LMF1: variants seen among roughly 807,000 people sequenced by gnomAD.
LMF1 encodes the protein lipase maturation factor 1.
A neutral mutation model predicts 60.6 loss-of-function variants in LMF1; 68 were observed. That is an observed-to-expected ratio of 1.12 (90% CI 0.92 to 1.37). LMF1 has a LOEUF of 1.37. LMF1 is among the 40% of genes most tolerant of loss of function. LMF1 has a pLI of 0.00. For synonymous variants in LMF1, 418 were observed against 324.7 expected, an observed-to-expected ratio of 1.29 and a Z score of -3.09; for missense variants, 948 against 767.2, an observed-to-expected ratio of 1.24 and a Z score of -2.78.
intron 3 of LMF1, among the ~76,000 whole-genome samples, chr16:923,338 G>A (rs926840493): frequency 5.9e-5 from 9 of 152,118 alleles, no homozygotes; most frequent in African/African-American, 1.2e-4. Flanking sequence ...TCCCCATTGC[G>A]TGGCTTCCTG....
intron 1 of LMF1, chr16:976,221 T>C (rs2151505253): frequency 4.5e-6 from 2 of 446,630 alleles, no homozygotes; most frequent in Non-Finnish European, 4.5e-6. Flanking sequence ...GCCCAGGGCC[T>C]CGCATCCTAC....
intron 10 of LMF1, among the ~76,000 whole-genome samples, chr16:864,766 A>G (rs1177114512): frequency 1.3e-5 from 2 of 151,104 alleles, no homozygotes; most frequent in Non-Finnish European, 2.9e-5. Context: ...CTGGGATTAC[A>G]GGCATGCACC....
chr16:855,540 C>T (rs55776028), intron 10 of LMF1: 6,995 of 366,700 alleles, frequency 0.019, 261 homozygotes, highest in African/African-American at 0.097. Context: ...TCGGCTGCCC[C>T]GGAGGAGGAG....
chr16:870,105 A>G, intron 8 of LMF1, 39 bp from the exon 9 acceptor site: 3 of 1,569,070 alleles, frequency 1.9e-6, no homozygotes, highest in Non-Finnish European at 2.6e-6. Context: ...CACGTCACAC[A>G]CCGGCTGGGC....
At chr16:974,256 T>C (rs1000709519), upstream of LMF1, among the ~76,000 whole-genome samples, 1 of 152,226 alleles carries the variant, frequency 6.6e-6, no homozygotes, top group Non-Finnish European at 1.5e-5. Context: ...CAGAGTGAGC[T>C]GCAGCGGCCG....
intron 6 of LMF1, among the ~76,000 whole-genome samples, chr16:875,875 C>A (rs1182967453): frequency 6.6e-6 from 1 of 152,186 alleles, no homozygotes; most frequent in South Asian, 2.1e-4. Flanking sequence ...GTCTCCAGCC[C>A]GGCCCTCCTC....
rs2069766578 is a variant in LMF1 at position 870,874 on chromosome 16, C to T, written c.1087G>A (p.Val363Met). ...ARPEPRFGSV[V>M]RRAANVSLGV... The stretch of plus-strand genomic sequence containing the variant: ...AGCGAGACGTTGGCTGCACGCCGCA[C>T]CACGGAGCCTGGCAGGGGAGTGACA... The change falls in exon 8 of 11, where the codon GTG (valine) becomes ATG (methionine). Residue 363 changes from valine (V) to methionine (M), a missense_variant. Transcript: ENST00000262301. 1.9e-6 allele frequency: 3 copies of T among 1,607,570 alleles called. No individual in the cohort carries two copies. Among genetic ancestry groups the T allele is most frequent in the Admixed American group, 1.7e-5 (1 of 59,798 alleles).
At chr16:981,301 TGTGAGAGAGAGA>T (rs1455771465), upstream of LMF1, 81 of 330,690 alleles carry the variant, frequency 2.4e-4, no homozygotes, top group Middle Eastern at 1.5e-3. Context: ...TGTGTGTGTG[TGTGAGAGAGAGA>T]GAGAGAGAGA....
chr16:968,016 A>G (rs998654194), intron 1 of LMF1, among the ~76,000 whole-genome samples: 3 of 151,850 alleles, frequency 2.0e-5, no homozygotes, highest in African/African-American at 4.8e-5. Flanking sequence ...CCGCTAACAC[A>G]CTCCGGCTCC....
intron 1 of LMF1, among the ~76,000 whole-genome samples, chr16:964,620 A>C (rs1157063997): frequency 6.6e-6 from 1 of 152,250 alleles, no homozygotes; most frequent in Non-Finnish European, 1.5e-5. Context: ...CTCATTTCCC[A>C]TGAGCTCTTA....
intron 4 of LMF1, 132 bp from the exon 5 acceptor site, chr16:893,204 G>C: frequency 1.3e-6 from 1 of 773,768 alleles, no homozygotes; most frequent in Non-Finnish European, 2.2e-6. Context: ...CTGTGAGGGA[G>C]GGGACCTTAC....
chr16:975,954 G>C, upstream of LMF1: 1 of 348,028 alleles, frequency 2.9e-6, no homozygotes, highest in Non-Finnish European at 5.4e-6. Flanking sequence ...GGTGTTGGGA[G>C]GTTTCAAATG....
chr16:866,414 G>C (rs2069611900), intron 10 of LMF1, among the ~76,000 whole-genome samples: 1 of 152,126 alleles, frequency 6.6e-6, no homozygotes, highest in Non-Finnish European at 1.5e-5. Flanking sequence ...AGTCATTGCT[G>C]GCTGGGTGGT....
At chr16:854,939 G>T in intron 10 of LMF1, 2 of 587,544 alleles carry the variant, frequency 3.4e-6, no homozygotes, top group South Asian at 4.0e-5. Context: ...GGGCGGACGG[G>T]GGGCAGCTCC....
rs1567312799 is a variant in LMF1 at position 954,059 on chromosome 16, A to ACC, written c.503+297_503+298insGG. ...CAGCCTCCTACACGTCCACACAGAC[A>ACC]CAGACCCACTGCTTCTGCCTCCCTT... On this transcript the variant is annotated intron_variant, in intron 2 of 10. Transcript: ENST00000262301. Among the ~76,000 whole-genome samples the ACC allele has an allele frequency of 1.2e-3, 162 of 140,818 alleles. 14 individuals carry two copies. The highest frequency in any genetic ancestry group is 3.5e-3 in the Middle Eastern group (1 of 286). The allele number at this position is 140,818 out of a possible 152,430, so 92.4% of individuals were successfully genotyped here.
chr16:900,654 C>A (rs114439408), intron 4 of LMF1: 23 of 151,888 alleles, frequency 1.5e-4, no homozygotes, highest in African/African-American at 5.6e-4. Context: ...GAATTACAGG[C>A]GCCCGCCAGC....
At chr16:887,468 G>C (rs768269555) in intron 5 of LMF1, among the ~76,000 whole-genome samples, 2 of 152,146 alleles carry the variant, frequency 1.3e-5, no homozygotes, top group Non-Finnish European at 2.9e-5. Flanking sequence ...CGGTACCCGT[G>C]GGGGAGCTCG....
intron 3 of LMF1, among the ~76,000 whole-genome samples, chr16:914,412 G>A (rs1350107888): frequency 4.6e-5 from 7 of 151,970 alleles, no homozygotes; most frequent in Non-Finnish European, 8.8e-5. Flanking sequence ...ATGCTCACTC[G>A]TAGGGTCCAC....
chr16:918,622 G>A (rs982054185), intron 3 of LMF1, among the ~76,000 whole-genome samples: 1 of 152,192 alleles, frequency 6.6e-6, no homozygotes, highest in Non-Finnish European at 1.5e-5. Flanking sequence ...GCCATCGTGG[G>A]CTGCGGGGAC....
Sources: gnomAD v4.1 joint callset for allele counts (sites outside exome capture counted in the v4.1 genomes callset) on GRCh38, gnomAD v4.1.1 for gene constraint, MANE v1.5 for transcripts, NCBI Gene and HGNC (gene_info 2026-07-23, HGNC 2026-07-21) for gene names.